The following CMYA5 variants were observed in gnomAD, a reference collection of about 807,000 sequenced individuals.
The protein encoded by CMYA5 is cardiomyopathy-associated protein 5.
Under a neutral mutation model 318.9 loss-of-function variants are expected in CMYA5, and 246 were observed. The ratio of observed to expected loss-of-function variants is 0.77; its 90% CI spans 0.70 to 0.86. The LOEUF is 0.86. Ranked by LOEUF, CMYA5 falls within the 40% of genes least tolerant of loss-of-function variation. The pLI, the probability that CMYA5 is intolerant of heterozygous loss-of-function variation, is 0.00. For synonymous variants in CMYA5, 1,641 were observed against 1,729.5 expected, an observed-to-expected ratio of 0.95 and a Z score of 1.27; for missense variants, 4,589 against 4,678.2, an observed-to-expected ratio of 0.98 and a Z score of 0.56.
chr5:79,792,328 G>GA (rs80314242), intron 11 of CMYA5, among the ~76,000 whole-genome samples: 10,913 of 152,106 alleles, frequency 0.072, 403 homozygotes, highest in East Asian at 0.11. Context: ...TGAATTCAGG[G>GA]AAAAAATAGA....
chr5:79,745,174 A>G, intron 3 of CMYA5, 48 bp from the exon 4 acceptor site: 1 of 1,233,476 alleles, frequency 8.1e-7, no homozygotes, highest in Non-Finnish European at 1.1e-6. Flanking sequence ...AAAAAGCAGC[A>G]TTTCTTGTTT....
Position 79,799,873 on chromosome 5 carries a change from A to AACAAAG in CMYA5, c.*258_*259insCAAAGA. The AACAAAG allele has an allele frequency of 2.1e-5, 3 of 142,346 alleles. No homozygotes were observed. The highest frequency in any genetic ancestry group is 4.1e-5 in the Non-Finnish European group (3 of 72,556). 8.8% of individuals were successfully genotyped at this position (142,346 alleles called of 1,614,324 possible). On this transcript the variant is annotated 3_prime_UTR_variant, in exon 13 of 13. Transcript: ENST00000446378. ...AAGTTTGAGTTCTTTCCTAAATTAAAAGATCTACACTTGAGTTGGGAACCG... is the reference window on the plus strand; with the variant it reads ...AAGTTTGAGTTCTTTCCTAAATTAAAACAAAGAGATCTACACTTGAGTTGGGAACCG...
chr5:79,707,704 G>A (rs1386652618), intron 1 of CMYA5, among the ~76,000 whole-genome samples: 1 of 152,186 alleles, frequency 6.6e-6, no homozygotes, highest in African/African-American at 2.4e-5. Context: ...ACCTTATAAA[G>A]TAGATATGAG....
Position 79,729,897 on chromosome 5 carries a change from C to A in CMYA5, c.1132C>A (p.Pro378Thr). Residue 378 changes from proline (P) to threonine (T), a missense_variant, in exon 2 of 13, where the codon CCT becomes ACT. By Grantham distance (38) the Pro-to-Thr change is conservative (BLOSUM62 -1). Around this residue, in one of 3 missense-constraint regions of CMYA5, gnomAD observed 2,132 missense variants for 2,131.3 expected, o/e 1.00. Transcript: ENST00000446378. Reference protein sequence around the residue: ...EDEAKPHEVEPPSVTPDTPAT... With the variant: ...EDEAKPHEVETPSVTPDTPAT... ...TGAAGCAAAACCACATGAAGTGGAA[C>A]CTCCATCTGTGACACCCGACACACC... 1 of 1,613,110 alleles carries A rather than the reference C, an allele frequency of 6.2e-7. No homozygotes were observed. The highest frequency in any genetic ancestry group is 8.5e-7 in the Non-Finnish European group (1 of 1,179,462).
intron 1 of CMYA5, among the ~76,000 whole-genome samples, chr5:79,723,454 AAAAAAG>A (rs1318151183): frequency 5.3e-5 from 8 of 150,626 alleles, no homozygotes; most frequent in Admixed American, 2.6e-4. Context: ...AAAAAAAAAA[AAAAAAG>A]AAAAGAAAAG....
At position 79,799,883 on chromosome 5, in the gene CMYA5, CTTGAG is replaced by C; in HGVS notation, c.*271_*275del. 1 of 246,258 alleles carries C rather than the reference CTTGAG, an allele frequency of 4.1e-6. No individual in the cohort carries two copies. The highest frequency in any genetic ancestry group is 7.4e-5 in the South Asian group (1 of 13,498). 15.3% of individuals were successfully genotyped at this position (246,258 alleles called of 1,614,324 possible). A position where few individuals can be genotyped will look rare whatever the true frequency, so the allele number is the denominator to read the frequency against. ...TCTTTCCTAAATTAAAAGATCTACA[CTTGAG>C]TTGGGAACCGAAAGAGAAAAATGGA... is the stretch of plus-strand genomic sequence containing the variant. On this transcript the variant is annotated 3_prime_UTR_variant, in exon 13 of 13. Coordinates refer to ENST00000446378, the MANE Select transcript of CMYA5 (RefSeq NM_153610.5).
chr5:79,770,567 C>T (rs954598942), intron 9 of CMYA5, among the ~76,000 whole-genome samples: 5 of 152,248 alleles, frequency 3.3e-5, no homozygotes, highest in African/African-American at 7.2e-5. Flanking sequence ...TTGTGCTTCC[C>T]GGGTGAGGTG....
chr5:79,721,461 C>A (rs998707800), intron 1 of CMYA5, among the ~76,000 whole-genome samples: 1 of 152,076 alleles, frequency 6.6e-6, no homozygotes, highest in Admixed American at 6.5e-5. Flanking sequence ...TTTAAATGAA[C>A]TAAATGCTCT....
chr5:79,790,518 C>G (rs566806170), intron 10 of CMYA5, among the ~76,000 whole-genome samples: 21 of 152,304 alleles, frequency 1.4e-4, no homozygotes, highest in Admixed American at 1.3e-3. Flanking sequence ...ATCTGCCCAC[C>G]TTGGCCTCCC....
intron 9 of CMYA5, among the ~76,000 whole-genome samples, chr5:79,786,284 A>C (rs1202264615): frequency 1.3e-5 from 2 of 152,196 alleles, no homozygotes; most frequent in Admixed American, 1.3e-4. Context: ...TGGGACTTCC[A>C]CACATAAAGC....
At chr5:79,756,035 C>T (rs1173534604) in intron 6 of CMYA5, among the ~76,000 whole-genome samples, 1 of 152,228 alleles carries the variant, frequency 6.6e-6, no homozygotes, top group Non-Finnish European at 1.5e-5. Context: ...AAGTAATTCT[C>T]AAATACTGCT....
In CMYA5 at chr5:79,736,434, CA is replaced by C; in HGVS notation, c.7670del (p.His2557LeufsTer6). The C allele has an allele frequency of 6.2e-7, 1 of 1,608,972 alleles. No individual in the cohort carries two copies. Among genetic ancestry groups the C allele is most frequent in the Non-Finnish European group, 8.5e-7 (1 of 1,177,372 alleles). Reference protein sequence around the residue: ...VLSEGKKQQEHQPYSVNVAES... With the variant: ...VLSEGKKQQEXQPYSVNVAES... Reference sequence around the variant, plus strand: ...TTCAGAAGGAAAGAAGCAGCAGGAACATCAGCCTTATTCTGTGAATGTAGCC... The same window carrying C: ...TTCAGAAGGAAAGAAGCAGCAGGAACTCAGCCTTATTCTGTGAATGTAGCC... On this transcript the variant is annotated frameshift_variant, in exon 2 of 13. Coordinates refer to ENST00000446378, the MANE Select transcript of CMYA5 (RefSeq NM_153610.5). LOFTEE classifies it high-confidence loss of function.
In CMYA5 at chr5:79,730,613, T is replaced by TC; in HGVS notation, c.1853dup (p.Ser619IlefsTer8). ...TACAGGAGCAAGAAGGTGAGCCAGT[T>TC]CCCCCATCCAATGTAGAAGCTATAG... On this transcript the variant is annotated frameshift_variant, in exon 2 of 13. Coordinates refer to ENST00000446378, the MANE Select transcript of CMYA5 (RefSeq NM_153610.5). LOFTEE classifies it high-confidence loss of function. 8 of 1,613,954 alleles carry TC rather than the reference T, an allele frequency of 5.0e-6. No homozygotes were observed. The highest frequency in any genetic ancestry group is 6.8e-6 in the Non-Finnish European group (8 of 1,179,870).
chr5:79,769,531 T>C (rs1251402178), intron 9 of CMYA5, among the ~76,000 whole-genome samples: 4 of 152,148 alleles, frequency 2.6e-5, no homozygotes, highest in Non-Finnish European at 5.9e-5. Context: ...TTCTATTTGT[T>C]AGTTTTCCTT....
chr5:79,722,426 C>G (rs1297445649), intron 1 of CMYA5, among the ~76,000 whole-genome samples: 2 of 152,020 alleles, frequency 1.3e-5, no homozygotes, highest in Non-Finnish European at 2.9e-5. Context: ...CATGTAATCC[C>G]AGCACTTTGG....
chr5:79,773,078 T>C (rs1027335934), intron 9 of CMYA5, among the ~76,000 whole-genome samples: 4 of 152,226 alleles, frequency 2.6e-5, no homozygotes, highest in Middle Eastern at 3.2e-3. Flanking sequence ...ATAAAGTTAC[T>C]TGGTCTCTGA....
At chr5:79,790,458 A>G (rs934620511) in intron 10 of CMYA5, among the ~76,000 whole-genome samples, 20 of 151,906 alleles carry the variant, frequency 1.3e-4, no homozygotes, top group Admixed American at 1.3e-3. Context: ...TTTGGTAGAG[A>G]CGGGGTTTCA....
chr5:79,714,146 G>A (rs1037784840), intron 1 of CMYA5, among the ~76,000 whole-genome samples: 4 of 152,122 alleles, frequency 2.6e-5, no homozygotes, highest in African/African-American at 9.7e-5. Flanking sequence ...GAAGATTACA[G>A]ACTTGCAAAG....
chr5:79,747,207 T>G, intron 5 of CMYA5, 94 bp downstream of exon 5: 2 of 1,203,588 alleles, frequency 1.7e-6, no homozygotes, highest in Non-Finnish European at 2.3e-6. Flanking sequence ...AGCTGCCAAT[T>G]AAAAAATGCA....
Sources: allele counts gnomAD v4.1 joint callset (sites outside exome capture counted in the v4.1 genomes callset), GRCh38; gene constraint gnomAD v4.1.1; regional missense constraint gnomAD v4.1.1; transcripts MANE v1.5; gene names NCBI Gene and HGNC (gene_info 2026-07-23, HGNC 2026-07-21).